NMD3: variants seen among roughly 807,000 people sequenced by gnomAD.
The protein encoded by NMD3 is 60S ribosomal export protein NMD3.
A neutral mutation model predicts 73.1 loss-of-function variants in NMD3; 47 were observed. That is an observed-to-expected ratio of 0.64 (90% CI 0.51 to 0.82). NMD3 has a LOEUF of 0.82. Ranked by LOEUF, NMD3 falls within the 40% of genes least tolerant of loss-of-function variation. The probability of loss-of-function intolerance (pLI) is 0.00; values close to 1 mark genes in which losing one functional copy is unlikely to be tolerated. For synonymous variants in NMD3, 210 were observed against 194.5 expected, an observed-to-expected ratio of 1.08 and a Z score of -0.66; for missense variants, 554 against 612.5, an observed-to-expected ratio of 0.90 and a Z score of 1.01.
chr3:161,246,144 TGTGA>T (rs1287339683), intron 11 of NMD3, among the ~76,000 whole-genome samples, 188 bp from the exon 12 acceptor site: 1 of 152,226 alleles, frequency 6.6e-6, no homozygotes, highest in African/African-American at 2.4e-5. Flanking sequence ...ATGAATTGTT[TGTGA>T]GTCTTTCTAT....
At chr3:161,250,411 A>T (rs1258128300) in intron 15 of NMD3, 85 bp downstream of exon 15, 4 of 761,928 alleles carry the variant, frequency 5.2e-6, no homozygotes, top group African/African-American at 1.8e-5. Context: ...TTAAGCTTTG[A>T]TTCTCATAAA....
chr3:161,241,577 T>C (rs1244007557), intron 10 of NMD3, among the ~76,000 whole-genome samples: 1 of 152,008 alleles, frequency 6.6e-6, no homozygotes, highest in Non-Finnish European at 1.5e-5. Context: ...CCTGCCACCA[T>C]GCCCAGCTAA....
chr3:161,230,952 T>C (rs1278654522), intron 4 of NMD3, among the ~76,000 whole-genome samples: 3 of 152,062 alleles, frequency 2.0e-5, no homozygotes, highest in Non-Finnish European at 4.4e-5. Flanking sequence ...CAGGACAGTG[T>C]TGGATGGGTG....
chr3:161,250,482 A>G (rs1737440502), intron 15 of NMD3, among the ~76,000 whole-genome samples, 156 bp downstream of exon 15: 1 of 152,200 alleles, frequency 6.6e-6, no homozygotes, highest in African/African-American at 2.4e-5. Flanking sequence ...TTGCAAAACA[A>G]TAAATAAAAC....
chr3:161,236,946 C>T (rs1046353142), intron 7 of NMD3, among the ~76,000 whole-genome samples: 4 of 152,146 alleles, frequency 2.6e-5, no homozygotes, highest in African/African-American at 9.7e-5. Context: ...TGCTATCTTG[C>T]ATACTTACTA....
chr3:161,243,730 T>C (rs751431923), intron 11 of NMD3, among the ~76,000 whole-genome samples: 20 of 152,216 alleles, frequency 1.3e-4, no homozygotes, highest in Non-Finnish European at 2.8e-4. Context: ...TTTGGTTACA[T>C]TTAGGTTAAA....
chr3:161,235,245 G>T, intron 7 of NMD3, 33 bp downstream of exon 7: 1 of 1,044,724 alleles, frequency 9.6e-7, no homozygotes, highest in Admixed American at 2.3e-5. Context: ...TTGAAATTAT[G>T]TCAGATTTTT....
upstream of NMD3, chr3:161,221,247 A>T (rs1356979109): frequency 6.7e-6 from 1 of 150,348 alleles, no homozygotes; most frequent in Non-Finnish European, 1.5e-5. Flanking sequence ...CCTCGTCCCC[A>T]CCCCGTCCCT....
At chr3:161,224,515 A>G (rs1425029402) in intron 2 of NMD3, among the ~76,000 whole-genome samples, 1 of 151,716 alleles carries the variant, frequency 6.6e-6, no homozygotes, top group Non-Finnish European at 1.5e-5. Context: ...TTTTTGAGAC[A>G]TTGTCTTGGT....
chr3:161,252,400 T>G (rs1329584496), downstream of NMD3: 1 of 153,734 alleles, frequency 6.5e-6, no homozygotes, highest in East Asian at 1.9e-4. Context: ...TTTATAATCT[T>G]CCCACTGAAA....
At chr3:161,247,892 C>T (rs1737313272) in intron 13 of NMD3, among the ~76,000 whole-genome samples, 1 of 151,962 alleles carries the variant, frequency 6.6e-6, no homozygotes, top group South Asian at 2.1e-4. Flanking sequence ...AAGTAATCCT[C>T]CCACCTCAGC....
Position 161,234,792 on chromosome 3 carries a change from T to C in NMD3, c.423T>C (p.Cys141=), listed in dbSNP as rs776441296. 1.1e-5 allele frequency: 18 copies of C among 1,613,262 alleles called. No individual in the cohort carries two copies. The South Asian group carries it at 1.8e-4, about 16-fold the overall frequency. Residue 141 remains cysteine (C), a synonymous_variant, in exon 6 of 16, where the codon TGT becomes TGC. Transcript: ENST00000351193. ...VVDYVVQSQM[C]GDCHRVEAKD... ...ATTATGTTGTTCAGTCCCAAATGTG[T>C]GGAGATTGCCATAGAGTAGAAGCTA...
rs1411334291 is a variant in NMD3 at position 161,227,726 on chromosome 3, C to T, written c.276+383C>T. On this transcript the variant is annotated intron_variant, in intron 4 of 15. Transcript: ENST00000351193. ...CCTCCCAAAGTGCTGGGATTACAGG[C>T]GTGAGCCACCATGCTGGCCTCGAAA... 5.3e-5 allele frequency among the ~76,000 whole-genome samples: 8 copies of T among 152,008 alleles called. No homozygotes were observed. In the East Asian group the frequency reaches 5.8e-4, roughly 11 times the overall value.
intron 2 of NMD3, among the ~76,000 whole-genome samples, chr3:161,222,697 A>G (rs1298879595): frequency 6.6e-6 from 1 of 152,126 alleles, no homozygotes; most frequent in African/African-American, 2.4e-5. Context: ...CAGACCAATT[A>G]GCTAAATCTA....
At chr3:161,243,076 A>G (rs931862726) in intron 11 of NMD3, among the ~76,000 whole-genome samples, 2 of 152,132 alleles carry the variant, frequency 1.3e-5, no homozygotes, top group African/African-American at 4.8e-5. Context: ...ATACCTATAA[A>G]ACATACAGTC....
At chr3:161,237,158 A>G (rs1178236808) in intron 7 of NMD3, among the ~76,000 whole-genome samples, 1 of 152,020 alleles carries the variant, frequency 6.6e-6, no homozygotes, top group Non-Finnish European at 1.5e-5. Flanking sequence ...ATGATGAGAT[A>G]ATGTTGTCTT....
Position 161,247,322 on chromosome 3 carries a change from C to A in NMD3, c.1195C>A (p.Pro399Thr), listed in dbSNP as rs757366245. ...CAACAAAATGAACTCAGATAGAGTTCCAGATGTGGTAAGGCTTTAGATTTT... is the reference window on the plus strand; with the variant it reads ...CAACAAAATGAACTCAGATAGAGTTACAGATGTGGTAAGGCTTTAGATTTT... ...HVNKMNSDRV[P>T]DVVLIKKSYD... The change falls in exon 13 of 16, where the codon CCA becomes ACA. Residue 399 changes from proline (P) to threonine (T), a missense_variant. By Grantham distance (38) the Pro-to-Thr change is conservative (BLOSUM62 -1). Coordinates refer to ENST00000351193, the MANE Select transcript of NMD3 (RefSeq NM_015938.5). 1 of 1,605,208 alleles carries A rather than the reference C, an allele frequency of 6.2e-7. No individual in the cohort carries two copies. The highest frequency in any genetic ancestry group is 1.1e-5 in the South Asian group (1 of 90,848).
In NMD3 at chr3:161,227,344, G is replaced by A; in HGVS notation, c.276+1G>A. 1 of 1,547,340 alleles carries A rather than the reference G, an allele frequency of 6.5e-7. No homozygotes were observed. The highest frequency in any genetic ancestry group is 8.8e-7 in the Non-Finnish European group (1 of 1,131,048). On this transcript the variant is annotated splice_donor_variant, in intron 4 of 15. Coordinates refer to ENST00000351193, the MANE Select transcript of NMD3 (RefSeq NM_015938.5). LOFTEE classifies it high-confidence loss of function. ...AAAAATCAAAGCCCCTCTGAGTAAG[G>A]TAAGTTAAACAGCTAAAATCAGTAT...
At chr3:161,247,897 C>G (rs1048102616) in intron 13 of NMD3, among the ~76,000 whole-genome samples, 1 of 151,970 alleles carries the variant, frequency 6.6e-6, no homozygotes, top group Non-Finnish European at 1.5e-5. Flanking sequence ...ATCCTCCCAC[C>G]TCAGCCTCCT....
Sources: allele counts gnomAD v4.1 joint callset (sites outside exome capture counted in the v4.1 genomes callset), GRCh38; gene constraint gnomAD v4.1.1; transcripts MANE v1.5; gene names NCBI Gene and HGNC (gene_info 2026-07-23, HGNC 2026-07-21).